Variants in PRLR observed in about 807,000 individuals in gnomAD.
PRLR encodes prolactin receptor, also known as hPRL receptor.
In PRLR, 13 loss-of-function variants were observed where a neutral mutation model predicts 40.2. That is an observed-to-expected ratio of 0.32 (90% CI 0.21 to 0.51). PRLR has a LOEUF of 0.51. PRLR is among the 20% of genes least tolerant of loss of function. The pLI is 0.97. For missense variants in PRLR, 656 were observed against 747.3 expected (o/e 0.88, Z 1.42); for synonymous variants, 269 against 278.7 (o/e 0.97, Z 0.35).
intron 3 of PRLR, among the ~76,000 whole-genome samples, chr5:35,087,484 G>C (rs1043763504): frequency 3.4e-5 from 5 of 148,528 alleles, no homozygotes; most frequent in African/African-American, 1.3e-4. Flanking sequence ...GCTTCCTTTG[G>C]ATACGTAGGG....
intron 1 of PRLR, among the ~76,000 whole-genome samples, chr5:35,143,114 T>C (rs867075193): frequency 1.3e-5 from 2 of 152,214 alleles, no homozygotes; most frequent in African/African-American, 4.8e-5. Flanking sequence ...GTTATGATTA[T>C]GCAAATAAGG....
At chr5:35,178,017 T>A (rs1246252324) in intron 1 of PRLR, among the ~76,000 whole-genome samples, 1 of 152,096 alleles carries the variant, frequency 6.6e-6, no homozygotes, top group Admixed American at 6.5e-5. Flanking sequence ...TCCTAGTGAC[T>A]GTGAAGAGGT....
Position 35,065,641 on chromosome 5 carries a change from C to T in PRLR, c.1317G>A (p.Leu439=). Residue 439 remains leucine, a synonymous_variant, in exon 10 of 10, where the codon CTG becomes CTA. Coordinates refer to ENST00000618457, the MANE Select transcript of PRLR (RefSeq NM_000949.7). The part of the protein sequence containing the change: ...SYHNITDVCE[L]AVGPAGAPAT... ...CCGGTGCACCTGCAGGGCCCACAGC[C>T]AGCTCACACACATCAGTAATATTGT... 2 of 1,614,146 alleles carry T rather than the reference C, an allele frequency of 1.2e-6. No individual in the cohort carries two copies.
intron 1 of PRLR, among the ~76,000 whole-genome samples, chr5:35,169,095 T>C (rs1340149173): frequency 6.6e-6 from 1 of 152,166 alleles, no homozygotes; most frequent in Non-Finnish European, 1.5e-5. Flanking sequence ...ATTAGTTTCA[T>C]ATTAACTTCA....
chr5:35,091,907 C>G (rs990924861), intron 2 of PRLR, among the ~76,000 whole-genome samples: 2 of 152,162 alleles, frequency 1.3e-5, no homozygotes, highest in Non-Finnish European at 2.9e-5. Context: ...TTGAGACTTC[C>G]TTTCTCTTTT....
At chr5:35,226,099 G>T (rs780961892) in intron 1 of PRLR, among the ~76,000 whole-genome samples, 1 of 152,226 alleles carries the variant, frequency 6.6e-6, no homozygotes, top group African/African-American at 2.4e-5. Context: ...GGCACATGTG[G>T]CTAGTGGCTA....
chr5:35,130,957 G>A (rs1326400894), intron 1 of PRLR, among the ~76,000 whole-genome samples: 1 of 152,180 alleles, frequency 6.6e-6, no homozygotes, highest in East Asian at 1.9e-4. Context: ...GCTAGGGTGA[G>A]GCAAGGGAGG....
chr5:35,186,168 T>C (rs1183178843), intron 1 of PRLR, among the ~76,000 whole-genome samples: 1 of 152,158 alleles, frequency 6.6e-6, no homozygotes, highest in Non-Finnish European at 1.5e-5. Context: ...ATGGAAAATA[T>C]CTCACTAATA....
chr5:35,177,660 T>C (rs1775186107), intron 1 of PRLR, among the ~76,000 whole-genome samples: 1 of 152,248 alleles, frequency 6.6e-6, no homozygotes, highest in Non-Finnish European at 1.5e-5. Context: ...TTTCTATGGC[T>C]GAATCCTCGA....
chr5:35,087,484 G>T (rs1043763504), intron 3 of PRLR, among the ~76,000 whole-genome samples: 1 of 148,528 alleles, frequency 6.7e-6, no homozygotes, highest in Non-Finnish European at 1.5e-5. Context: ...GCTTCCTTTG[G>T]ATACGTAGGG....
intron 1 of PRLR, among the ~76,000 whole-genome samples, chr5:35,185,145 C>T (rs557372276): frequency 3.2e-4 from 48 of 152,296 alleles, no homozygotes; most frequent in South Asian, 8.3e-4. Context: ...CTAGGCTTGG[C>T]CCTTCTCTTC....
chr5:35,220,273 C>T (rs1247346698), intron 1 of PRLR, among the ~76,000 whole-genome samples: 1 of 152,192 alleles, frequency 6.6e-6, no homozygotes, highest in East Asian at 1.9e-4. Flanking sequence ...TCCCTCATTG[C>T]TTCTTACCTC....
At chr5:35,124,199 T>C (rs922851027) in intron 1 of PRLR, among the ~76,000 whole-genome samples, 3 of 152,170 alleles carry the variant, frequency 2.0e-5, no homozygotes, top group Admixed American at 2.0e-4. Flanking sequence ...AGTAAAATGG[T>C]AGAGGAGTTC....
chr5:35,052,852 C>A (rs775249221), downstream of PRLR, among the ~76,000 whole-genome samples: 8 of 152,260 alleles, frequency 5.3e-5, no homozygotes, highest in Middle Eastern at 6.8e-3. Context: ...GGCATTAGGT[C>A]CAATCATTTT....
At chr5:35,088,920 A>G (rs249536) in intron 3 of PRLR, among the ~76,000 whole-genome samples, 39,505 of 152,096 alleles carry the variant, frequency 0.26, 9,141 homozygotes, top group African/African-American at 0.62. Flanking sequence ...AGACAGAGAG[A>G]CATTTGAAAT....
At chr5:35,098,545 A>C (rs756157888) in intron 2 of PRLR, among the ~76,000 whole-genome samples, 1 of 152,144 alleles carries the variant, frequency 6.6e-6, no homozygotes, top group Non-Finnish European at 1.5e-5. Flanking sequence ...AAACAAGATT[A>C]TTTTTTCACA....
chr5:35,180,236 G>T (rs1329862020), intron 1 of PRLR, among the ~76,000 whole-genome samples: 2 of 152,152 alleles, frequency 1.3e-5, no homozygotes, highest in East Asian at 1.9e-4. Context: ...AACTTTGCTT[G>T]CTTGCCCGCC....
At chr5:35,072,914 A>C (rs879794000) in intron 5 of PRLR, among the ~76,000 whole-genome samples, 170 bp from the exon 6 acceptor site, 1 of 152,212 alleles carries the variant, frequency 6.6e-6, no homozygotes, top group Non-Finnish European at 1.5e-5. Flanking sequence ...GTATGTGACC[A>C]ATCATATTTG....
intron 1 of PRLR, among the ~76,000 whole-genome samples, chr5:35,139,904 A>G (rs1293712034): frequency 6.7e-6 from 1 of 149,070 alleles, no homozygotes; most frequent in Non-Finnish European, 1.5e-5. Flanking sequence ...GAGCAAATAA[A>G]AAATATAGAT....
Sources: gnomAD v4.1 joint callset for allele counts (sites outside exome capture counted in the v4.1 genomes callset) on GRCh38, gnomAD v4.1.1 for gene constraint, MANE v1.5 for transcripts, NCBI Gene and HGNC (gene_info 2026-07-23, HGNC 2026-07-21) for gene names.